Variants in MTSS2 observed in about 807,000 individuals in gnomAD.
MTSS2 encodes protein MTSS 2.
MTSS2 carries 27 observed loss-of-function variants against 67.1 expected under a neutral mutation model. The ratio of observed to expected loss-of-function variants is 0.40; its 90% CI spans 0.30 to 0.55. The LOEUF is 0.55. Among genes scored for constraint, MTSS2 ranks in the 20% least tolerant of loss-of-function variants. The pLI is 0.43. For synonymous variants in MTSS2, 624 were observed against 468.6 expected, an observed-to-expected ratio of 1.33 and a Z score of -4.28; for missense variants, 1,171 against 1,067.8, an observed-to-expected ratio of 1.10 and a Z score of -1.35.
chr16:70,675,522 C>G (rs2053089451), intron 10 of MTSS2, among the ~76,000 whole-genome samples: 1 of 152,230 alleles, frequency 6.6e-6, no homozygotes, highest in Non-Finnish European at 1.5e-5. Context: ...ATCTTTATCA[C>G]TGAGGCCTCA....
chr16:70,663,758 T>C lies in MTSS2; in HGVS notation c.2163A>G (p.Glu721=). Reference sequence around the variant, plus strand: ...CACGCCGGATGGCCACCAGCATGTCTTCGGCCGGGGGGTCGCTGGTGGCGG... The same window carrying C: ...CACGCCGGATGGCCACCAGCATGTCCTCGGCCGGGGGGTCGCTGGTGGCGG... The part of the protein sequence containing the change: ...PPAATSDPPA[E]DMLVAIRRGV... The change falls in exon 15 of 15, where the codon GAA becomes GAG. Residue 721 remains glutamate, a synonymous_variant. Coordinates refer to ENST00000338779, the MANE Select transcript of MTSS2 (RefSeq NM_138383.3). 6.4e-7 allele frequency: 1 copy of C among 1,552,946 alleles called. No individual in the cohort carries two copies. Among genetic ancestry groups the C allele is most frequent in the Non-Finnish European group, 8.7e-7 (1 of 1,152,478 alleles).
rs749603793 is a variant in MTSS2 at position 70,661,691 on chromosome 16, C to A, written c.*1986G>T. On this transcript the variant is annotated 3_prime_UTR_variant, in exon 15 of 15. Coordinates refer to ENST00000338779, the MANE Select transcript of MTSS2 (RefSeq NM_138383.3). ...GGGGATGGAGTAGAGTATGTACAGC[C>A]CCCGGGGCTCACAGGGGAGGGGGAC... 3.5e-4 allele frequency: 91 copies of A among 256,782 alleles called. No homozygotes were observed. Among genetic ancestry groups the A allele is most frequent in the Non-Finnish European group, 4.6e-4 (61 of 131,388 alleles). 15.9% of individuals were successfully genotyped at this position (256,782 alleles called of 1,614,324 possible). A position where few individuals can be genotyped will look rare whatever the true frequency, so the allele number is the denominator to read the frequency against.
Position 70,664,760 on chromosome 16 carries a change from C to T in MTSS2, c.1309G>A (p.Gly437Ser), listed in dbSNP as rs747680003. 2.9e-5 allele frequency: 47 copies of T among 1,609,582 alleles called. No individual in the cohort carries two copies. Among genetic ancestry groups the T allele is most frequent in the Middle Eastern group, 1.7e-4 (1 of 5,960 alleles). Residue 437 changes from glycine (G) to serine (S), a missense_variant, in exon 14 of 15, where the codon GGT (glycine) becomes AGT (serine). Physicochemically the swap from Gly to Ser is moderately conservative, Grantham distance 56. Transcript: ENST00000338779. The part of the protein sequence containing the change: ...MSPATIAAKH[G>S]EEVSPAASDL... ...CTGGCGGCGGGGGACACCTCCTCACCGTGCTGAGGGTGGGAAAGTGCAGGC... is the reference window on the plus strand; with the variant it reads ...CTGGCGGCGGGGGACACCTCCTCACTGTGCTGAGGGTGGGAAAGTGCAGGC...
chr16:70,677,754 GC>G, intron 9 of MTSS2, 37 bp downstream of exon 9: 1 of 1,528,198 alleles, frequency 6.5e-7, no homozygotes, highest in Non-Finnish European at 8.9e-7. Flanking sequence ...TCTCCTCCCT[GC>G]CCCTGGCCCT....
chr16:70,661,924 T>TC lies in MTSS2; in HGVS notation c.*1752dup, dbSNP rs2052491094. 1 of 153,502 alleles carries TC rather than the reference T, an allele frequency of 6.5e-6. No individual in the cohort carries two copies. The highest frequency in any genetic ancestry group is 2.4e-5 in the African/African-American group (1 of 41,406). 9.5% of individuals were successfully genotyped at this position (153,502 alleles called of 1,614,324 possible). ...GTGTGGCGGAAATTCTACCCAAGAC[T>TC]CCCCAAATAATTGGTCACCTGCTCT... On this transcript the variant is annotated 3_prime_UTR_variant, in exon 15 of 15. Coordinates refer to ENST00000338779, the MANE Select transcript of MTSS2 (RefSeq NM_138383.3).
intron 10 of MTSS2, among the ~76,000 whole-genome samples, chr16:70,675,185 G>A (rs1201069020): frequency 6.6e-6 from 1 of 151,894 alleles, no homozygotes; most frequent in African/African-American, 2.4e-5. Context: ...CACTTTGGGA[G>A]TCTGAGGTGG....
At chr16:70,679,272 C>G in intron 7 of MTSS2, 43 bp downstream of exon 7, 1 of 1,612,084 alleles carries the variant, frequency 6.2e-7, no homozygotes. Context: ...ACAAATGCGA[C>G]AAGGACGGGA....
chr16:70,668,471 G>T (rs1419650926), intron 11 of MTSS2, among the ~76,000 whole-genome samples: 1 of 152,032 alleles, frequency 6.6e-6, no homozygotes. Context: ...TGTGGCATTG[G>T]TATAAGGCAG....
At chr16:70,667,018 G>A (rs757296646) in intron 11 of MTSS2, among the ~76,000 whole-genome samples, 1 of 152,086 alleles carries the variant, frequency 6.6e-6, no homozygotes, top group African/African-American at 2.4e-5. Context: ...GCTCACACCT[G>A]TAATCCCAGC....
intron 1 of MTSS2, among the ~76,000 whole-genome samples, chr16:70,683,835 C>T (rs1374328004): frequency 3.9e-5 from 6 of 152,204 alleles, no homozygotes; most frequent in South Asian, 2.1e-4. Context: ...AAGCTGCCCC[C>T]GCAAATCCAG....
rs542127806 is a variant in MTSS2, at chr16:70,665,517, G to A, written c.1077C>T (p.Ser359=). The A allele has an allele frequency of 1.7e-5, 27 of 1,548,070 alleles. No individual in the cohort carries two copies. Among genetic ancestry groups the A allele is most frequent in the Middle Eastern group, 1.7e-4 (1 of 5,926 alleles). ...CGGACTGGCAGGTTTCCGAGGCCTC[G>A]GAAGATGCAGAGCTGGAGGACTTCT... is the stretch of plus-strand genomic sequence containing the variant. The part of the protein sequence containing the change: ...TSQKSSSSAS[S]EASETCQSVS... Residue 359 remains serine, a synonymous_variant, in exon 12 of 15, where the codon TCC becomes TCT. Coordinates refer to ENST00000338779, the MANE Select transcript of MTSS2 (RefSeq NM_138383.3).
intron 7 of MTSS2, 53 bp downstream of exon 7, chr16:70,679,262 A>T: frequency 6.2e-7 from 1 of 1,608,454 alleles, no homozygotes. Context: ...GGGGAGACAG[A>T]CAAATGCGAC....
At chr16:70,668,230 T>C (rs1336497836) in intron 11 of MTSS2, among the ~76,000 whole-genome samples, 3 of 151,762 alleles carry the variant, frequency 2.0e-5, no homozygotes, top group Admixed American at 2.0e-4. Context: ...CTGGCCAACA[T>C]GACAAAACCC....
intron 10 of MTSS2, among the ~76,000 whole-genome samples, 189 bp downstream of exon 10, chr16:70,676,692 G>C (rs1434143059): frequency 6.6e-6 from 1 of 152,352 alleles, no homozygotes; most frequent in African/African-American, 2.4e-5. Context: ...GCCAACAAAT[G>C]CCTGTGCCAG....
intron 2 of MTSS2, 42 bp from the exon 3 acceptor site, chr16:70,680,909 G>C (rs201953010): frequency 1.4e-5 from 15 of 1,053,210 alleles, no homozygotes; most frequent in East Asian, 1.1e-4. Context: ...GTGGTTGGGC[G>C]GGGGGGGGGC....
chr16:70,679,934 C>T (rs760457241), intron 4 of MTSS2, 37 bp downstream of exon 4: 21 of 1,409,424 alleles, frequency 1.5e-5, no homozygotes, highest in Middle Eastern at 2.4e-4. Context: ...GACGCCCCGT[C>T]CCCCCGCCCC....
At position 70,663,703 on chromosome 16, in the gene MTSS2, CGTT is replaced by C; in HGVS notation, c.2215_2217del (p.Asn739del). 2 of 1,588,906 alleles carry C rather than the reference CGTT, an allele frequency of 1.3e-6. No homozygotes were observed. The highest frequency in any genetic ancestry group is 1.7e-6 in the Non-Finnish European group (2 of 1,168,980). ...CATAAGATGCGGGGCGCCGACCTGT[CGTT>C]GGTGACGGTCCTGCGGAGCCGGACC... On this transcript the variant is annotated inframe_deletion, in exon 15 of 15. Coordinates refer to ENST00000338779, the MANE Select transcript of MTSS2 (RefSeq NM_138383.3).
intron 11 of MTSS2, among the ~76,000 whole-genome samples, chr16:70,672,792 T>A (rs1175206390): frequency 3.3e-5 from 5 of 151,108 alleles, no homozygotes; most frequent in Non-Finnish European, 7.4e-5. Flanking sequence ...ATGCCTAAGA[T>A]AGAAAGAGAG....
Position 70,678,282 on chromosome 16 carries a change from G to A in MTSS2, c.594C>T (p.Cys198=), listed in dbSNP as rs2142876829. 2 of 1,611,498 alleles carry A rather than the reference G, an allele frequency of 1.2e-6. No homozygotes were observed. Among genetic ancestry groups the A allele is most frequent in the African/African-American group, 1.3e-5 (1 of 75,074 alleles). The stretch of plus-strand genomic sequence containing the variant: ...CAGGCTGCAGGAAGGTGATGAAGGT[G>A]CAGAAGCGGCCCCGCTCCTCGATCA... ...RALIEERGRF[C]TFITFLQPVV... is the part of the protein sequence containing the mutation. Residue 198 remains cysteine (C), a synonymous_variant, in exon 8 of 15, where the codon TGC becomes TGT. Transcript: ENST00000338779.
Sources: allele counts gnomAD v4.1 joint callset (sites outside exome capture counted in the v4.1 genomes callset), GRCh38; gene constraint gnomAD v4.1.1; transcripts MANE v1.5; gene names NCBI Gene and HGNC (gene_info 2026-07-23, HGNC 2026-07-21).